NCKIPSD: variants seen among roughly 807,000 people sequenced by gnomAD.
The protein encoded by NCKIPSD is NCK-interacting protein with SH3 domain.
A neutral mutation model predicts 73.4 loss-of-function variants in NCKIPSD; 48 were observed. The ratio of observed to expected loss-of-function variants is 0.65; its 90% CI spans 0.52 to 0.83. The LOEUF is 0.83. NCKIPSD is among the 40% of genes least tolerant of loss of function. The pLI is 0.00. For missense variants in NCKIPSD, 884 were observed against 970.2 expected, an observed-to-expected ratio of 0.91 and a Z score of 1.18; for synonymous variants, 422 against 403.6, an observed-to-expected ratio of 1.05 and a Z score of -0.54.
intron 1 of NCKIPSD, among the ~76,000 whole-genome samples, chr3:48,684,001 C>CAT (rs1451184124): frequency 6.7e-6 from 1 of 149,858 alleles, no homozygotes; most frequent in East Asian, 1.9e-4. Context: ...CACACACACA[C>CAT]ACACACACAC....
Position 48,682,962 on chromosome 3 carries a change from T to TACAGCCTC in NCKIPSD, c.214_221dup (p.His75ArgfsTer25). The TACAGCCTC allele has an allele frequency of 6.4e-7, 1 of 1,552,328 alleles. No homozygotes were observed. The highest frequency in any genetic ancestry group is 8.7e-7 in the Non-Finnish European group (1 of 1,148,096). Reference sequence around the variant, plus strand: ...CACCATCCCGCATGGCTGTGTTGTGTACAGCCTCGATGGCCCGGTCAATGG... The same window carrying TACAGCCTC: ...CACCATCCCGCATGGCTGTGTTGTGTACAGCCTCACAGCCTCGATGGCCCGGTCAATGG... On this transcript the variant is annotated frameshift_variant, in exon 2 of 13. Coordinates refer to ENST00000294129, the MANE Select transcript of NCKIPSD (RefSeq NM_016453.4). LOFTEE classifies it high-confidence loss of function.
intron 12 of NCKIPSD, among the ~76,000 whole-genome samples, chr3:48,676,483 G>A (rs2077258783): frequency 6.6e-6 from 1 of 152,054 alleles, no homozygotes; most frequent in Non-Finnish European, 1.5e-5. Context: ...TACCATTTTT[G>A]TTTTTGTTTT....
intron 1 of NCKIPSD, among the ~76,000 whole-genome samples, chr3:48,683,977 A>AAG (rs1408825735): frequency 5.8e-5 from 7 of 121,036 alleles, no homozygotes; most frequent in Non-Finnish European, 1.0e-4. Context: ...GAAAGACATG[A>AAG]AGACACACAC....
rs150324090 is a variant in NCKIPSD at position 48,682,425 on chromosome 3, C to T, written c.409G>A (p.Val137Met). ...TGCCGCTCGAACCCAGCTCGACACA[C>T]CCCATTGGGCTGCCTGGCTGCAGCA... Reference protein sequence around the residue: ...DAAAARQPNGVCRAGFERQHS... With the variant: ...DAAAARQPNGMCRAGFERQHS... The change falls in exon 3 of 13, where the codon GTG becomes ATG. Residue 137 changes from valine to methionine, a missense_variant. Coordinates refer to ENST00000294129, the MANE Select transcript of NCKIPSD (RefSeq NM_016453.4). The T allele has an allele frequency of 6.2e-7, 1 of 1,614,160 alleles. No individual in the cohort carries two copies. Among genetic ancestry groups the T allele is most frequent in the Admixed American group, 1.7e-5 (1 of 60,022 alleles).
At chr3:48,681,955 C>T (rs1178769304) in intron 4 of NCKIPSD, 90 bp downstream of exon 4, 10 of 1,508,578 alleles carry the variant, frequency 6.6e-6, no homozygotes, top group Non-Finnish European at 7.2e-6. Flanking sequence ...TCTTCCCCAG[C>T]TTAGAGCCTC....
Position 48,679,968 on chromosome 3 carries a change from T to G in NCKIPSD, c.1264-81A>C, listed in dbSNP as rs904002697. ...CACAAGAGAGGGCTGAGCACATATG[T>G]GTAGGGGAGACTCCTAGCACTGTGA... On this transcript the variant is annotated intron_variant, in intron 6 of 12. Transcript: ENST00000294129. 3.5e-5 allele frequency: 57 copies of G among 1,610,818 alleles called. No homozygotes were observed. The Admixed American group carries it at 6.3e-4, about 18-fold the overall frequency.
In NCKIPSD at chr3:48,681,734, G is replaced by A. The variant is rs746277671; in HGVS notation, c.645C>T (p.Gly215=). The A allele has an allele frequency of 2.0e-6, 3 of 1,536,298 alleles. No individual in the cohort carries two copies. The highest frequency in any genetic ancestry group is 2.7e-5 in the African/African-American group (2 of 72,754). ...CCAGGGAGGTGCTGCTGACTGAGGA[G>A]CCGCTGGACACAGAGTTACCCCCGG... The part of the protein sequence containing the change: ...MPSGGNSVSS[G]SSVSSTSLDT... The change falls in exon 5 of 13, where the codon GGC becomes GGT. Residue 215 remains glycine, a synonymous_variant. Coordinates refer to ENST00000294129, the MANE Select transcript of NCKIPSD (RefSeq NM_016453.4).
chr3:48,685,741 T>A lies in NCKIPSD; in HGVS notation c.67A>T (p.Thr23Ser). Residue 23 changes from threonine to serine, a missense_variant, in exon 1 of 13, where the codon ACC (threonine) becomes TCC (serine). Coordinates refer to ENST00000294129, the MANE Select transcript of NCKIPSD (RefSeq NM_016453.4). ...CTGCTTCGCTCTAGCACCAGGAAGG[T>A]CTCGCCCGCGGCGAACGCCAGCGCG... Reference protein sequence around the residue: ...PNALAFAAGETFLVLERSSAH... With the variant: ...PNALAFAAGESFLVLERSSAH... The A allele has an allele frequency of 6.5e-7, 1 of 1,532,232 alleles. No individual in the cohort carries two copies. 94.9% of individuals were successfully genotyped at this position (1,532,232 alleles called of 1,614,324 possible).
intron 1 of NCKIPSD, among the ~76,000 whole-genome samples, chr3:48,684,591 G>C (rs2077406346): frequency 6.6e-6 from 1 of 152,210 alleles, no homozygotes; most frequent in Admixed American, 6.5e-5. Context: ...GCTGGGACAG[G>C]ATGTTTCCTA....
chr3:48,685,344 G>C (rs1215977894), intron 1 of NCKIPSD, among the ~76,000 whole-genome samples: 1 of 152,016 alleles, frequency 6.6e-6, no homozygotes, highest in African/African-American at 2.4e-5. Flanking sequence ...TTCAGATGGC[G>C]GACTCGATAC....
Position 48,682,517 on chromosome 3 carries a change from C to A in NCKIPSD, c.317G>T (p.Arg106Leu). 6.2e-7 allele frequency: 1 copy of A among 1,614,102 alleles called. No homozygotes were observed. Among genetic ancestry groups the A allele is most frequent in the Non-Finnish European group, 8.5e-7 (1 of 1,179,996 alleles). The change falls in exon 3 of 13, where the codon CGC (arginine) becomes CTC (leucine). Residue 106 changes from arginine to leucine, a missense_variant. Coordinates refer to ENST00000294129, the MANE Select transcript of NCKIPSD (RefSeq NM_016453.4). ...AACACTGGAGGCTGAAGGGCCTCTG[C>A]GTGACAGGGTCTCTTTCCGGTGGTG... ...LIHHRKETLSRRGPSASSVAV... is the reference protein window; with the variant it reads ...LIHHRKETLSLRGPSASSVAV...
At chr3:48,682,321 C>T (rs2077368067) in intron 3 of NCKIPSD, 27 bp downstream of exon 3, 9 of 1,611,940 alleles carry the variant, frequency 5.6e-6, no homozygotes, top group Non-Finnish European at 6.8e-6. Context: ...ACCCACCTCC[C>T]TTCTCCACGA....
At chr3:48,685,596 C>T in intron 1 of NCKIPSD, 41 bp downstream of exon 1, 1 of 1,498,176 alleles carries the variant, frequency 6.7e-7, no homozygotes. Context: ...AGGGGTCCTG[C>T]CCCAGGGGCG....
At chr3:48,674,808 G>A in intron 12 of NCKIPSD, 61 bp from the exon 13 acceptor site, 13 of 1,557,274 alleles carry the variant, frequency 8.3e-6, no homozygotes, top group Admixed American at 1.8e-5. Flanking sequence ...CCACTGGACA[G>A]GGACAGGACC....
chr3:48,680,267 C>CT, intron 5 of NCKIPSD, 38 bp from the exon 6 acceptor site: 1 of 1,535,526 alleles, frequency 6.5e-7, no homozygotes. Flanking sequence ...AGCACACTCC[C>CT]TGCCCTCACC....
rs2077213946 is a variant in NCKIPSD at position 48,674,014 on chromosome 3, C to T, written c.*530G>A. ...GATGGATGGCCTGTCTCCAAGATCCCGCTTTCAAAGCAGCAGCTTGGCCAA... is the reference window on the plus strand; with the variant it reads ...GATGGATGGCCTGTCTCCAAGATCCTGCTTTCAAAGCAGCAGCTTGGCCAA... On this transcript the variant is annotated 3_prime_UTR_variant, in exon 13 of 13. Transcript: ENST00000294129. 7.5e-6 allele frequency: 8 copies of T among 1,071,396 alleles called. No individual in the cohort carries two copies. The South Asian group carries it at 1.3e-4, about 18-fold the overall frequency. 66.4% of individuals were successfully genotyped at this position (1,071,396 alleles called of 1,614,324 possible). A position where few individuals can be genotyped will look rare whatever the true frequency, so the allele number is the denominator to read the frequency against.
At chr3:48,683,176 A>G in intron 1 of NCKIPSD, 164 bp from the exon 2 acceptor site, 1 of 1,302,332 alleles carries the variant, frequency 7.7e-7, no homozygotes, top group Admixed American at 2.1e-5. Context: ...GGGGTTCTCA[A>G]ACTGTATCAC....
At position 48,682,138 on chromosome 3, in the gene NCKIPSD, G is replaced by A. The variant is rs778388677; in HGVS notation, c.505C>T (p.Gln169Ter). ...GCTCGGCGAGGCTGTGGTGGGATCT[G>A]GGAAGATGGAAGTGGGATCTGGAAG... is the stretch of plus-strand genomic sequence containing the variant. ...GLYQIPLPSS[Q>*]IPPQPRRAAP... Residue 169 changes from glutamine (Q) to a stop codon, truncating the protein, a stop_gained, in exon 4 of 13, where the codon CAG becomes TAG. Transcript: ENST00000294129. LOFTEE classifies it high-confidence loss of function. The A allele has an allele frequency of 1.9e-6, 3 of 1,598,390 alleles. No individual in the cohort carries two copies. The highest frequency in any genetic ancestry group is 1.7e-6 in the Non-Finnish European group (2 of 1,178,798).
chr3:48,679,973 G>A (rs1304475644), intron 6 of NCKIPSD, 86 bp from the exon 7 acceptor site: 7 of 1,610,492 alleles, frequency 4.3e-6, no homozygotes, highest in Admixed American at 1.7e-5. Context: ...ATATGTGTAG[G>A]GGAGACTCCT....
Sources: gnomAD v4.1 joint callset for allele counts (sites outside exome capture counted in the v4.1 genomes callset) on GRCh38, gnomAD v4.1.1 for gene constraint, MANE v1.5 for transcripts, NCBI Gene and HGNC (gene_info 2026-07-23, HGNC 2026-07-21) for gene names.